Variants in TENM4 observed in about 807,000 individuals in gnomAD.
TENM4 encodes teneurin transmembrane protein 4, also known as teneurin-4.
A neutral mutation model predicts 243.3 loss-of-function variants in TENM4; 82 were observed. The observed-to-expected ratio is 0.34, with a 90% CI of 0.28 to 0.40. The LOEUF (loss-of-function observed/expected upper bound fraction) is 0.40. TENM4 is among the 10% of genes least tolerant of loss of function. TENM4 has a pLI of 1.00. For missense variants in TENM4, 3,138 were observed against 3,673.3 expected (o/e 0.85, Z 3.77); for synonymous variants, 1,412 against 1,456.3 (o/e 0.97, Z 0.69).
intron 4 of TENM4, among the ~76,000 whole-genome samples, chr11:79,109,292 C>T (rs565936931): frequency 7.2e-5 from 11 of 152,114 alleles, no homozygotes; most frequent in African/African-American, 1.4e-4. Flanking sequence ...TACAAGCACT[C>T]GTGAAGCACC....
chr11:78,703,988 A>G (rs1017602276), intron 27 of TENM4, among the ~76,000 whole-genome samples: 1 of 148,716 alleles, frequency 6.7e-6, no homozygotes, highest in South Asian at 2.1e-4. Context: ...AGTAGCTGGT[A>G]CTACAGGCAT....
chr11:79,370,816 A>C (rs575554410), intron 1 of TENM4, among the ~76,000 whole-genome samples: 336 of 144,986 alleles, frequency 2.3e-3, no homozygotes, highest in Non-Finnish European at 3.1e-3. Flanking sequence ...AAAAGTGATA[A>C]ATTTGGTAAT....
chr11:78,970,008 T>A (rs1023532032), intron 6 of TENM4, among the ~76,000 whole-genome samples: 2 of 152,264 alleles, frequency 1.3e-5, no homozygotes, highest in Non-Finnish European at 2.9e-5. Flanking sequence ...ATTCTTTTTC[T>A]TCTCATGTGC....
chr11:79,352,195 C>A (rs1039863305), intron 1 of TENM4, among the ~76,000 whole-genome samples: 3 of 152,196 alleles, frequency 2.0e-5, no homozygotes, highest in African/African-American at 7.2e-5. Flanking sequence ...CCCTGTCCTG[C>A]TGCTGCCAGA....
intron 25 of TENM4, among the ~76,000 whole-genome samples, chr11:78,720,042 G>T (rs1424406717): frequency 6.6e-6 from 1 of 152,192 alleles, no homozygotes; most frequent in Non-Finnish European, 1.5e-5. Context: ...GTCGTTCAAT[G>T]CAGTTAGGAT....
At chr11:79,395,116 T>A (rs1463826759) in intron 1 of TENM4, among the ~76,000 whole-genome samples, 1 of 152,214 alleles carries the variant, frequency 6.6e-6, no homozygotes, top group Non-Finnish European at 1.5e-5. Context: ...AATATGCCAA[T>A]CAAGACAGGG....
chr11:78,769,172 T>C (rs912447153), intron 18 of TENM4, among the ~76,000 whole-genome samples: 1 of 152,188 alleles, frequency 6.6e-6, no homozygotes, highest in African/African-American at 2.4e-5. Context: ...ATTGGAATTG[T>C]GCCTACACAG....
chr11:79,130,442 GA>G (rs1466240480), intron 4 of TENM4, among the ~76,000 whole-genome samples: 1 of 150,638 alleles, frequency 6.6e-6, no homozygotes, highest in Non-Finnish European at 1.5e-5. Context: ...GCTAATCAGG[GA>G]GGGACCAGAG....
intron 2 of TENM4, among the ~76,000 whole-genome samples, chr11:79,286,225 G>A (rs968178307): frequency 5.9e-5 from 9 of 152,102 alleles, no homozygotes; most frequent in East Asian, 1.9e-4. Context: ...GAAAGGGAGC[G>A]AGAGAAAATG....
chr11:78,794,597 C>T (rs1857124240), intron 15 of TENM4, among the ~76,000 whole-genome samples: 1 of 152,166 alleles, frequency 6.6e-6, no homozygotes, highest in Admixed American at 6.5e-5. Context: ...TTCAGAAGCA[C>T]AGCTTTGAGA....
chr11:79,156,492 A>T (rs1862618861), intron 3 of TENM4, among the ~76,000 whole-genome samples: 1 of 152,180 alleles, frequency 6.6e-6, no homozygotes, highest in Non-Finnish European at 1.5e-5. Flanking sequence ...GGCCTCCAGC[A>T]CTTTCTACAT....
chr11:79,367,486 A>G (rs1413014754), intron 1 of TENM4, among the ~76,000 whole-genome samples: 2 of 152,160 alleles, frequency 1.3e-5, no homozygotes, highest in African/African-American at 4.8e-5. Flanking sequence ...TTCTGCCAAG[A>G]GTTAATACAT....
At chr11:79,244,122 C>G (rs1855472903) in intron 2 of TENM4, among the ~76,000 whole-genome samples, 1 of 152,132 alleles carries the variant, frequency 6.6e-6, no homozygotes, top group Admixed American at 6.5e-5. Flanking sequence ...GTTGCTGGGT[C>G]CCACCCCCAG....
In TENM4 at chr11:78,702,105, A is replaced by G. The variant is rs1859121938; in HGVS notation, c.4508T>C (p.Ile1503Thr). Residue 1503 changes from isoleucine (I) to threonine (T), a missense_variant, in exon 28 of 34, where the codon ATC (isoleucine) becomes ACC (threonine). Coordinates refer to ENST00000278550, the MANE Select transcript of TENM4 (RefSeq NM_001098816.3). ...ACTGGGGGCCCCAGCAACGAGTGAGATCTCTCCACTAGTGGTGACCTGCCT... is the reference window on the plus strand; with the variant it reads ...ACTGGGGGCCCCAGCAACGAGTGAGGTCTCTCCACTAGTGGTGACCTGCCT... ...RIRQVTTSGE[I>T]SLVAGAPSGC... The G allele has an allele frequency of 6.2e-7, 1 of 1,613,956 alleles. No homozygotes were observed. The highest frequency in any genetic ancestry group is 1.7e-5 in the Admixed American group (1 of 60,026).
intron 28 of TENM4, among the ~76,000 whole-genome samples, chr11:78,696,194 C>A (rs1415997524): frequency 2.6e-5 from 4 of 152,086 alleles, no homozygotes; most frequent in Admixed American, 6.5e-5. Context: ...CATTTCTCAT[C>A]CTTATAACCG....
At chr11:78,934,997 C>CCTTT (rs1191791018) in intron 6 of TENM4, among the ~76,000 whole-genome samples, 1 of 81,114 alleles carries the variant, frequency 1.2e-5, no homozygotes, top group Non-Finnish European at 2.1e-5. Flanking sequence ...AAGTATGCAA[C>CCTTT]TTTTTTTTTT....
At chr11:79,382,310 T>C (rs1858021447) in intron 1 of TENM4, among the ~76,000 whole-genome samples, 1 of 152,164 alleles carries the variant, frequency 6.6e-6, no homozygotes, top group Non-Finnish European at 1.5e-5. Flanking sequence ...CACCCTTCCT[T>C]AACCTGGGGG....
chr11:79,171,001 A>G (rs540569778), intron 3 of TENM4, among the ~76,000 whole-genome samples: 15 of 152,290 alleles, frequency 9.8e-5, no homozygotes, highest in African/African-American at 3.6e-4. Context: ...GACTTGAGAA[A>G]GAGAGGACTG....
chr11:79,353,551 G>T (rs1385424624), intron 1 of TENM4, among the ~76,000 whole-genome samples: 1 of 152,172 alleles, frequency 6.6e-6, no homozygotes, highest in African/African-American at 2.4e-5. Flanking sequence ...CATCCTAGAA[G>T]TGTGACGATC....
Sources: gnomAD v4.1 joint callset for allele counts (sites outside exome capture counted in the v4.1 genomes callset) on GRCh38, gnomAD v4.1.1 for gene constraint, MANE v1.5 for transcripts, NCBI Gene and HGNC (gene_info 2026-07-23, HGNC 2026-07-21) for gene names.